MTMR7: variants seen among roughly 807,000 people sequenced by gnomAD.
The protein encoded by MTMR7 is myotubularin related protein 7.
In MTMR7, 76 loss-of-function variants were observed where a neutral mutation model predicts 81.2. The observed-to-expected ratio is 0.94, with a 90% CI of 0.78 to 1.13. The LOEUF (loss-of-function observed/expected upper bound fraction) is 1.13, where lower values mean the gene tolerates loss of function less well. Ranked by LOEUF, MTMR7 falls within the 50% of genes most tolerant of loss-of-function variation. The pLI is 0.00. For missense variants in MTMR7, 1,044 were observed against 820.0 expected (o/e 1.27, Z -3.34); for synonymous variants, 372 against 289.8 (o/e 1.28, Z -2.88).
chr8:17,338,658 A>G (rs1819320381), intron 6 of MTMR7: 1 of 152,192 alleles, frequency 6.6e-6, no homozygotes, highest in South Asian at 2.1e-4. Context: ...GAAGGGCACA[A>G]ATTGACAGAG....
intron 10 of MTMR7, among the ~76,000 whole-genome samples, chr8:17,307,024 A>C (rs1419727069): frequency 1.3e-5 from 2 of 152,210 alleles, no homozygotes; most frequent in Non-Finnish European, 2.9e-5. Context: ...GCAGCAAAAG[A>C]CAAAATTGAC....
chr8:17,409,465 AAAAC>A lies in MTMR7; in HGVS notation c.24+3800_24+3803del, dbSNP rs913314557. 2.2e-3 allele frequency among the ~76,000 whole-genome samples: 339 copies of A among 152,310 alleles called. 1 individual carries two copies. Among genetic ancestry groups the A allele is most frequent in the African/African-American group, 7.7e-3 (318 of 41,564 alleles). ...GGCCACAGAGCAAGACTCGGCCTCA[AAAAC>A]AAACAAACAAACAAAAAGTAATGAA... On this transcript the variant is annotated intron_variant, in intron 1 of 13. Coordinates refer to ENST00000180173, the MANE Select transcript of MTMR7 (RefSeq NM_004686.5).
At chr8:17,354,769 A>T (rs1819838221) in intron 4 of MTMR7, among the ~76,000 whole-genome samples, 1 of 152,200 alleles carries the variant, frequency 6.6e-6, no homozygotes, top group Admixed American at 6.5e-5. Flanking sequence ...AAAGGAATGG[A>T]TTTGGATATC....
chr8:17,371,888 T>G (rs1278625456), intron 2 of MTMR7, among the ~76,000 whole-genome samples: 1 of 148,688 alleles, frequency 6.7e-6, no homozygotes, highest in Non-Finnish European at 1.5e-5. Context: ...AGTGAGACCC[T>G]TGAAATTTAC....
chr8:17,390,264 A>AG (rs1386210257), intron 1 of MTMR7, among the ~76,000 whole-genome samples: 4 of 151,600 alleles, frequency 2.6e-5, no homozygotes, highest in African/African-American at 7.3e-5. Flanking sequence ...TGTAAGGCAA[A>AG]GGGGGAGTGA....
At chr8:17,382,010 G>T (rs190778455) in intron 1 of MTMR7, among the ~76,000 whole-genome samples, 8 of 152,286 alleles carry the variant, frequency 5.3e-5, no homozygotes, top group Admixed American at 4.6e-4. Flanking sequence ...CTGCAGCTGT[G>T]ACCCAGTGGT....
At chr8:17,330,406 A>G (rs1818936534) in intron 7 of MTMR7, among the ~76,000 whole-genome samples, 1 of 152,178 alleles carries the variant, frequency 6.6e-6, no homozygotes, top group Non-Finnish European at 1.5e-5. Context: ...GTCTTTTCCC[A>G]GTTCGCAGAG....
chr8:17,322,539 G>A (rs1264794619), intron 7 of MTMR7, among the ~76,000 whole-genome samples: 1 of 152,222 alleles, frequency 6.6e-6, no homozygotes, highest in Non-Finnish European at 1.5e-5. Context: ...AAAACATGTG[G>A]CTGGGCACAT....
At chr8:17,380,933 G>C (rs1289582347) in intron 1 of MTMR7, among the ~76,000 whole-genome samples, 2 of 151,968 alleles carry the variant, frequency 1.3e-5, no homozygotes, top group African/African-American at 4.8e-5. Flanking sequence ...AAAACAAAAA[G>C]CTTGGCAATG....
At chr8:17,402,839 T>A (rs1821468734) in intron 1 of MTMR7, among the ~76,000 whole-genome samples, 1 of 152,220 alleles carries the variant, frequency 6.6e-6, no homozygotes, top group Admixed American at 6.5e-5. Flanking sequence ...TCCATAGTGA[T>A]TGTACTAATT....
At chr8:17,390,732 G>A (rs987510638) in intron 1 of MTMR7, among the ~76,000 whole-genome samples, 3 of 152,180 alleles carry the variant, frequency 2.0e-5, no homozygotes, top group East Asian at 3.9e-4. Context: ...CAAACACATC[G>A]TTCTTCACAA....
At chr8:17,374,007 T>G (rs975036742) in intron 1 of MTMR7, among the ~76,000 whole-genome samples, 1 of 152,192 alleles carries the variant, frequency 6.6e-6, no homozygotes. Context: ...GTAATTCTAG[T>G]AAGACACAGC....
intron 5 of MTMR7, among the ~76,000 whole-genome samples, chr8:17,343,696 A>G (rs1174458834): frequency 1.3e-5 from 2 of 152,240 alleles, no homozygotes; most frequent in African/African-American, 4.8e-5. Flanking sequence ...TGGTCGATAA[A>G]TTAAAACACG....
At chr8:17,317,117 T>C (rs1459796505) in intron 7 of MTMR7, among the ~76,000 whole-genome samples, 1 of 152,250 alleles carries the variant, frequency 6.6e-6, no homozygotes, top group Non-Finnish European at 1.5e-5. Context: ...TTTTAGAATT[T>C]GCTTGCTTAT....
intron 1 of MTMR7, among the ~76,000 whole-genome samples, chr8:17,391,759 T>C (rs774194784): frequency 1.3e-5 from 2 of 152,188 alleles, no homozygotes; most frequent in African/African-American, 2.4e-5. Flanking sequence ...TCTCCGGGAA[T>C]CTATGATAAG....
intron 10 of MTMR7, 49 bp from the exon 11 acceptor site, chr8:17,306,006 G>C: frequency 6.8e-7 from 1 of 1,472,312 alleles, no homozygotes; most frequent in Admixed American, 1.9e-5. Flanking sequence ...TATTTTTAAA[G>C]TACAAAGCCA....
chr8:17,311,874 A>G, intron 8 of MTMR7: 1 of 546,210 alleles, frequency 1.8e-6, no homozygotes, highest in Middle Eastern at 5.1e-4. Flanking sequence ...CACCTCCAAT[A>G]AGCGCATGTA....
intron 1 of MTMR7, among the ~76,000 whole-genome samples, chr8:17,396,066 G>A (rs999896897): frequency 6.6e-6 from 1 of 151,810 alleles, no homozygotes; most frequent in African/African-American, 2.4e-5. Flanking sequence ...AATATTCAAT[G>A]TTAAATAATA....
At chr8:17,384,055 C>G (rs2410529) in intron 1 of MTMR7, among the ~76,000 whole-genome samples, 61,301 of 151,994 alleles carry the variant, frequency 0.4, 13,253 homozygotes, top group Admixed American at 0.56. Context: ...ATGATCCCAT[C>G]TGTAACTAAC....
Sources: allele counts gnomAD v4.1 joint callset (sites outside exome capture counted in the v4.1 genomes callset), GRCh38; gene constraint gnomAD v4.1.1; transcripts MANE v1.5; gene names NCBI Gene and HGNC (gene_info 2026-07-23, HGNC 2026-07-21).